Variants in PITPNC1 observed in about 807,000 individuals in gnomAD.
The protein encoded by PITPNC1 is phosphatidylinositol transfer protein cytoplasmic 1, also known as cytoplasmic phosphatidylinositol transfer protein 1.
A neutral mutation model predicts 44.7 loss-of-function variants in PITPNC1; 18 were observed. The ratio of observed to expected loss-of-function variants is 0.40; its 90% CI spans 0.28 to 0.60. The LOEUF (loss-of-function observed/expected upper bound fraction) is 0.60. Among genes scored for constraint, PITPNC1 ranks in the 20% least tolerant of loss-of-function variants. The probability of loss-of-function intolerance (pLI) is 0.39; values close to 1 mark genes in which losing one functional copy is unlikely to be tolerated. For synonymous variants in PITPNC1, 141 were observed against 149.6 expected (o/e 0.94, Z 0.42); for missense variants, 290 against 418.4 (o/e 0.69, Z 2.68).
chr17:67,487,014 C>G (rs2039788022), intron 1 of PITPNC1, among the ~76,000 whole-genome samples: 1 of 151,526 alleles, frequency 6.6e-6, no homozygotes, highest in Non-Finnish European at 1.5e-5. Flanking sequence ...GCCTGGGCAA[C>G]AGAGCAAGAC....
At chr17:67,381,625 C>T (rs1046795207) in intron 1 of PITPNC1, among the ~76,000 whole-genome samples, 2 of 152,142 alleles carry the variant, frequency 1.3e-5, no homozygotes, top group South Asian at 4.1e-4. Context: ...AGCCACCGCA[C>T]CCTGCTAATT....
rs773882901 is a variant in PITPNC1 at position 67,378,196 on chromosome 17, A to T, written c.42A>T (p.Val14=). Residue 14 remains valine, a synonymous_variant, in exon 1 of 9, where the codon GTA becomes GTT. Coordinates refer to ENST00000581322, the MANE Select transcript of PITPNC1 (RefSeq NM_012417.4). ...ACCGGATCTGCATGCCGCTCACCGT[A>T]GACGAGGTAAGCGCCGCGCCCGGCC... ...KEYRICMPLT[V]DEYKIGQLYM... is the part of the protein sequence containing the mutation. 3 of 1,540,008 alleles carry T rather than the reference A, an allele frequency of 1.9e-6. No individual in the cohort carries two copies. The East Asian group carries it at 8.1e-5, about 41-fold the overall frequency.
intron 6 of PITPNC1, among the ~76,000 whole-genome samples, chr17:67,652,342 G>A (rs1342916113): frequency 2.6e-5 from 4 of 152,110 alleles, no homozygotes; most frequent in South Asian, 2.1e-4. Flanking sequence ...AGTTTTACAC[G>A]GGCTGCTCAA....
chr17:67,454,077 C>T (rs947989589), intron 1 of PITPNC1, among the ~76,000 whole-genome samples: 1 of 152,066 alleles, frequency 6.6e-6, no homozygotes, highest in Non-Finnish European at 1.5e-5. Flanking sequence ...ATGGTGAAAC[C>T]CCGTCTCTAC....
intron 5 of PITPNC1, among the ~76,000 whole-genome samples, chr17:67,629,676 G>T (rs910963335): frequency 6.6e-6 from 1 of 152,208 alleles, no homozygotes; most frequent in East Asian, 1.9e-4. Flanking sequence ...ACTGGCTCTC[G>T]CAAACAGTGT....
In PITPNC1 at chr17:67,693,998, C is replaced by T. The variant is rs754913158; in HGVS notation, c.*1110C>T. The T allele has an allele frequency of 6.6e-6, 1 of 152,234 alleles. No individual in the cohort carries two copies. Among genetic ancestry groups the T allele is most frequent in the Non-Finnish European group, 1.5e-5 (1 of 68,040 alleles). The allele number at this position is 152,234 out of a possible 1,614,324, so 9.4% of individuals were successfully genotyped here. A position where few individuals can be genotyped will look rare whatever the true frequency, so the allele number is the denominator to read the frequency against. On this transcript the variant is annotated 3_prime_UTR_variant, in exon 9 of 9. Transcript: ENST00000581322. ...GAATGTCACAGACATCAAGCAACTA[C>T]TGTCAAGTGGGAGGAGAGAATGAGC...
chr17:67,436,589 A>C (rs1362214979), intron 1 of PITPNC1, among the ~76,000 whole-genome samples: 1 of 152,088 alleles, frequency 6.6e-6, no homozygotes, highest in Non-Finnish European at 1.5e-5. Context: ...GGAGTTTGGG[A>C]TATGTCCTTT....
At chr17:67,419,735 G>A (rs544004407) in intron 1 of PITPNC1, among the ~76,000 whole-genome samples, 23 of 152,240 alleles carry the variant, frequency 1.5e-4, no homozygotes, top group African/African-American at 3.6e-4. Context: ...GCGAAACCCC[G>A]TCTCTACTAA....
At chr17:67,628,439 A>G (rs2041922459) in intron 5 of PITPNC1, among the ~76,000 whole-genome samples, 1 of 152,154 alleles carries the variant, frequency 6.6e-6, no homozygotes, top group Non-Finnish European at 1.5e-5. Context: ...GGAATTATTG[A>G]TCTCTGATGG....
At chr17:67,396,083 A>T (rs2038216111) in intron 1 of PITPNC1, among the ~76,000 whole-genome samples, 2 of 152,216 alleles carry the variant, frequency 1.3e-5, no homozygotes, top group African/African-American at 4.8e-5. Flanking sequence ...AGTACTGCAG[A>T]TATGGGCATA....
intron 6 of PITPNC1, among the ~76,000 whole-genome samples, chr17:67,647,479 T>TGA (rs1251951115): frequency 7.2e-6 from 1 of 139,088 alleles, no homozygotes; most frequent in Non-Finnish European, 1.6e-5. Context: ...TTTTTTTTTT[T>TGA]TTTTTTTTTT....
At chr17:67,540,778 A>G (rs1225789997) in intron 2 of PITPNC1, among the ~76,000 whole-genome samples, 1 of 152,224 alleles carries the variant, frequency 6.6e-6, no homozygotes, top group Non-Finnish European at 1.5e-5. Flanking sequence ...TGTGTAACTT[A>G]AAAATAATGT....
At chr17:67,574,057 A>T (rs1337039455) in intron 4 of PITPNC1, among the ~76,000 whole-genome samples, 1 of 152,226 alleles carries the variant, frequency 6.6e-6, no homozygotes, top group East Asian at 1.9e-4. Flanking sequence ...AAGGTTCCAG[A>T]GAAGAGCTTA....
At chr17:67,541,313 G>T (rs574717968) in intron 2 of PITPNC1, among the ~76,000 whole-genome samples, 2 of 152,280 alleles carry the variant, frequency 1.3e-5, no homozygotes, top group South Asian at 4.1e-4. Context: ...TTTCTATCAA[G>T]ATGAAATTAA....
Position 67,679,120 on chromosome 17 carries a change from T to C in PITPNC1, c.682+3578T>C, listed in dbSNP as rs1345455970. Among the ~76,000 whole-genome samples the C allele has an allele frequency of 2.0e-5, 3 of 152,256 alleles. No individual in the cohort carries two copies. The East Asian group carries it at 5.8e-4, about 29-fold the overall frequency. ...AGAACTACTGGCTTATAGCATGGGC[T>C]ATAAACCAGACTGGGACATTGGGTT... On this transcript the variant is annotated intron_variant, in intron 8 of 8. Transcript: ENST00000581322.
chr17:67,579,631 T>C (rs948449034), intron 5 of PITPNC1, among the ~76,000 whole-genome samples: 2 of 146,338 alleles, frequency 1.4e-5, no homozygotes, highest in African/African-American at 2.6e-5. Context: ...TTTTTTTTTT[T>C]TTTTTTTTTT....
In PITPNC1 at chr17:67,379,392, G is replaced by A. The variant is rs564257037; in HGVS notation, c.48+1190G>A. The A allele has an allele frequency of 1.1e-5, 11 of 984,910 alleles. No individual in the cohort carries two copies. The South Asian group carries it at 4.7e-4, about 42-fold the overall frequency. The allele number at this position is 984,910 out of a possible 1,614,324, so 61.0% of individuals were successfully genotyped here. On this transcript the variant is annotated intron_variant, in intron 1 of 8. Coordinates refer to ENST00000581322, the MANE Select transcript of PITPNC1 (RefSeq NM_012417.4). Reference sequence around the variant, plus strand: ...ATTTGCCATCTGGACCAAGGGTTAAGGTAAGACCCAAGTACAATCCAAGAC... The same window carrying A: ...ATTTGCCATCTGGACCAAGGGTTAAAGTAAGACCCAAGTACAATCCAAGAC...
chr17:67,485,500 G>A (rs2039766543), intron 1 of PITPNC1, among the ~76,000 whole-genome samples: 1 of 151,552 alleles, frequency 6.6e-6, no homozygotes, highest in African/African-American at 2.4e-5. Context: ...GAGTAGCTGG[G>A]ATTACAGGCA....
At chr17:67,412,519 A>G (rs7212498) in intron 1 of PITPNC1, among the ~76,000 whole-genome samples, 1,578 of 152,306 alleles carry the variant, frequency 0.01, 30 homozygotes, top group African/African-American at 0.037. Context: ...AGAAGAAATC[A>G]GAACATGACA....
Sources: gnomAD v4.1 joint callset for allele counts (sites outside exome capture counted in the v4.1 genomes callset) on GRCh38, gnomAD v4.1.1 for gene constraint, MANE v1.5 for transcripts, NCBI Gene and HGNC (gene_info 2026-07-23, HGNC 2026-07-21) for gene names.